The following ARHGAP25 variants were observed in gnomAD, a reference collection of about 807,000 sequenced individuals.
ARHGAP25 encodes the protein rho GTPase-activating protein 25.
ARHGAP25 carries 34 observed loss-of-function variants against 71.0 expected under a neutral mutation model. The observed-to-expected ratio is 0.48, with a 90% CI of 0.36 to 0.64. The LOEUF is 0.64. Ranked by LOEUF, ARHGAP25 falls within the 30% of genes least tolerant of loss-of-function variation. ARHGAP25 has a pLI of 0.00. For synonymous variants in ARHGAP25, 282 were observed against 296.5 expected (o/e 0.95, Z 0.50); for missense variants, 706 against 805.1 (o/e 0.88, Z 1.49).
intron 1 of ARHGAP25, among the ~76,000 whole-genome samples, chr2:68,739,323 G>A (rs572619228): frequency 7.9e-5 from 12 of 152,302 alleles, no homozygotes; most frequent in Middle Eastern, 3.4e-3. Context: ...TGGCCCTGGC[G>A]TGGGTATACA....
chr2:68,795,427 A>G (rs1399912335), intron 4 of ARHGAP25, among the ~76,000 whole-genome samples: 1 of 152,072 alleles, frequency 6.6e-6, no homozygotes, highest in Non-Finnish European at 1.5e-5. Flanking sequence ...CCCTCTTTGC[A>G]CTGCTTTTGC....
Position 68,744,622 on chromosome 2 carries a change from G to T in ARHGAP25, c.61+9362G>T, listed in dbSNP as rs1227239005. 3.3e-5 allele frequency among the ~76,000 whole-genome samples: 5 copies of T among 152,150 alleles called. No homozygotes were observed. In the South Asian group the frequency reaches 1.0e-3, roughly 32 times the overall value. ...TTGTTCTGTAACAAAAGCTTTTCTT[G>T]CCCCACTTGAGCCATAGCCCCTAGA... is the stretch of plus-strand genomic sequence containing the variant. On this transcript the variant is annotated intron_variant, in intron 1 of 10. Transcript: ENST00000409202.
chr2:68,711,859 T>A (rs958444187), intron 2 of ARHGAP25, among the ~76,000 whole-genome samples: 18 of 152,242 alleles, frequency 1.2e-4, no homozygotes, highest in African/African-American at 4.1e-4. Context: ...CATCCTTTTT[T>A]ACGGATGAAT....
chr2:68,764,554 C>G (rs1677014004), intron 1 of ARHGAP25, among the ~76,000 whole-genome samples: 1 of 152,186 alleles, frequency 6.6e-6, no homozygotes, highest in Non-Finnish European at 1.5e-5. Flanking sequence ...TCTGTTCTCA[C>G]TGGTATCGTG....
intron 2 of ARHGAP25, among the ~76,000 whole-genome samples, chr2:68,711,850 A>G (rs994614132): frequency 1.3e-5 from 2 of 152,172 alleles, no homozygotes; most frequent in Non-Finnish European, 2.9e-5. Context: ...ACATGAACTC[A>G]TCCTTTTTTA....
intron 4 of ARHGAP25, among the ~76,000 whole-genome samples, chr2:68,800,756 A>T (rs1449740044): frequency 6.6e-6 from 1 of 152,202 alleles, no homozygotes; most frequent in African/African-American, 2.4e-5. Flanking sequence ...TACTTTGTAG[A>T]GTTCTCATGA....
intron 3 of ARHGAP25, among the ~76,000 whole-genome samples, chr2:68,782,712 G>A (rs1026253404): frequency 5.3e-5 from 8 of 152,216 alleles, no homozygotes; most frequent in East Asian, 3.8e-4. Context: ...ATGGAACCAC[G>A]TGAAATTGCC....
chr2:68,799,952 T>A (rs1017019128), intron 4 of ARHGAP25, among the ~76,000 whole-genome samples: 6 of 152,224 alleles, frequency 3.9e-5, no homozygotes, highest in Non-Finnish European at 7.3e-5. Flanking sequence ...ATCCCCAGGA[T>A]GCCGCGGTGG....
chr2:68,805,353 A>G (rs1406225107), intron 4 of ARHGAP25, among the ~76,000 whole-genome samples: 1 of 152,090 alleles, frequency 6.6e-6, no homozygotes, highest in Non-Finnish European at 1.5e-5. Context: ...CCGCAATGCA[A>G]TAAGTGAAAC....
chr2:68,822,603 T>A lies in ARHGAP25; in HGVS notation c.1464T>A (p.Ser488=). The change falls in exon 10 of 11, where the codon TCT becomes TCA. Residue 488 remains serine (S), a synonymous_variant. Transcript: ENST00000409202. ...GGGAAGGGCACAGGAGAACGATGTC[T>A]CAAGACTTGCGCCAACTTTCTGACT... ...KAGEGHRRTM[S]QDLRQLSDSQ... is the part of the protein sequence containing the mutation. 6.2e-7 allele frequency: 1 copy of A among 1,614,136 alleles called. No individual in the cohort carries two copies. Among genetic ancestry groups the A allele is most frequent in the South Asian group, 1.1e-5 (1 of 91,078 alleles).
chr2:68,785,043 A>C (rs1678650649), intron 3 of ARHGAP25, among the ~76,000 whole-genome samples: 1 of 152,158 alleles, frequency 6.6e-6, no homozygotes, highest in African/African-American at 2.4e-5. Flanking sequence ...GCCAGTACAA[A>C]GTCTCTGAGC....
At chr2:68,770,177 G>A (rs1645522313) in intron 1 of ARHGAP25, among the ~76,000 whole-genome samples, 1 of 152,164 alleles carries the variant, frequency 6.6e-6, no homozygotes, top group African/African-American at 2.4e-5. Context: ...AGGAATGGTA[G>A]AGGTGAGAAG....
chr2:68,784,517 C>T (rs1162214151), intron 3 of ARHGAP25, among the ~76,000 whole-genome samples: 1 of 151,816 alleles, frequency 6.6e-6, no homozygotes, highest in Non-Finnish European at 1.5e-5. Context: ...TAATTGGGGG[C>T]AGGCAACAAT....
upstream of ARHGAP25, among the ~76,000 whole-genome samples, chr2:68,731,437 C>T (rs200505435): frequency 1.2e-4 from 18 of 152,170 alleles, 1 homozygote; most frequent in East Asian, 2.9e-3. Flanking sequence ...CTCTCCCTCA[C>T]TCTTCCTCTC....
chr2:68,814,562 A>T (rs75074013), intron 6 of ARHGAP25, among the ~76,000 whole-genome samples: 3 of 152,128 alleles, frequency 2.0e-5, no homozygotes, highest in Admixed American at 1.3e-4. Context: ...TGACTTTAAA[A>T]TTTTTTTCAA....
intron 1 of ARHGAP25, among the ~76,000 whole-genome samples, chr2:68,740,383 GA>G (rs1675459693): frequency 6.6e-6 from 1 of 152,190 alleles, no homozygotes; most frequent in Non-Finnish European, 1.5e-5. Context: ...GAATTAAATG[GA>G]AAGTCTTTAT....
chr2:68,783,361 A>G (rs1233153100), intron 3 of ARHGAP25, among the ~76,000 whole-genome samples: 3 of 152,138 alleles, frequency 2.0e-5, no homozygotes, highest in African/African-American at 7.2e-5. Context: ...TATAATGCAG[A>G]AAAAAAATCC....
chr2:68,719,429 A>C (rs1345202642), intron 2 of ARHGAP25, among the ~76,000 whole-genome samples: 2 of 100,146 alleles, frequency 2.0e-5, no homozygotes, highest in Non-Finnish European at 4.8e-5. Flanking sequence ...TCGACATGGC[A>C]AAAAAAAAAA....
chr2:68,761,626 A>G (rs1676826960), intron 1 of ARHGAP25, among the ~76,000 whole-genome samples: 1 of 152,180 alleles, frequency 6.6e-6, no homozygotes, highest in South Asian at 2.1e-4. Context: ...ACAATAAATG[A>G]AATGATGCTA....
Sources: gnomAD v4.1 joint callset for allele counts (sites outside exome capture counted in the v4.1 genomes callset) on GRCh38, gnomAD v4.1.1 for gene constraint, MANE v1.5 for transcripts, NCBI Gene and HGNC (gene_info 2026-07-23, HGNC 2026-07-21) for gene names.